Variants in SRSF4 observed in about 807,000 individuals in gnomAD.
SRSF4 encodes serine/arginine-rich splicing factor 4.
SRSF4 carries 12 observed loss-of-function variants against 48.8 expected under a neutral mutation model. The observed-to-expected ratio is 0.25, with a 90% confidence interval of 0.16 to 0.40. The LOEUF is 0.40. SRSF4 is among the 10% of genes least tolerant of loss of function. The pLI, the probability that SRSF4 is intolerant of heterozygous loss-of-function variation, is 1.00. For missense variants in SRSF4, 466 were observed against 667.1 expected (o/e 0.70, Z 3.32); for synonymous variants, 248 against 232.5 (o/e 1.07, Z -0.61).
intron 1 of SRSF4, among the ~76,000 whole-genome samples, chr1:29,163,183 C>A (rs570220211): frequency 6.6e-6 from 1 of 152,318 alleles, no homozygotes; most frequent in African/African-American, 2.4e-5. Context: ...AAAATCCCTA[C>A]AAACCTCCCC....
chr1:29,173,116 AT>A (rs1375341556), intron 1 of SRSF4: 17 of 149,938 alleles, frequency 1.1e-4, no homozygotes, highest in Middle Eastern at 7.0e-3. Context: ...TTATTCTCTA[AT>A]GAGTCAAAAA....
At chr1:29,154,945 A>G in intron 3 of SRSF4, 35 bp from the exon 4 acceptor site, 2 of 1,572,704 alleles carry the variant, frequency 1.3e-6, no homozygotes, top group Admixed American at 1.9e-5. Flanking sequence ...ACATTAGGAT[A>G]TGTTTTGCTA....
chr1:29,155,641 G>A (rs993477373), intron 3 of SRSF4, among the ~76,000 whole-genome samples: 4 of 152,014 alleles, frequency 2.6e-5, no homozygotes, highest in African/African-American at 4.8e-5. Flanking sequence ...GCAGGTCCGC[G>A]CCACCATACC....
intron 3 of SRSF4, among the ~76,000 whole-genome samples, chr1:29,155,633 A>G (rs1258683286): frequency 6.6e-6 from 1 of 152,078 alleles, no homozygotes; most frequent in Non-Finnish European, 1.5e-5. Context: ...CTGGAACTGC[A>G]GGTCCGCGCC....
In SRSF4 at chr1:29,158,275, T is replaced by C. The variant is rs187651556; in HGVS notation, c.363+1099A>G. Among the ~76,000 whole-genome samples the C allele has an allele frequency of 5.1e-3, 780 of 152,182 alleles. 6 individuals are homozygous for C. Among genetic ancestry groups the C allele is most frequent in the Middle Eastern group, 0.017 (5 of 294 alleles). ...CAGGACAAATATTCCATCAAAAACCTTATGAAAAAACATGGGTCAGATTGT... is the reference window on the plus strand; with the variant it reads ...CAGGACAAATATTCCATCAAAAACCCTATGAAAAAACATGGGTCAGATTGT... On this transcript the variant is annotated intron_variant, in intron 3 of 5. Transcript: ENST00000373795.
rs771783999 is a variant in SRSF4 at position 29,148,371 on chromosome 1, A to G, written c.*39T>C. 1 of 1,554,268 alleles carries G rather than the reference A, an allele frequency of 6.4e-7. No homozygotes were observed. Among genetic ancestry groups the G allele is most frequent in the Non-Finnish European group, 8.7e-7 (1 of 1,149,916 alleles). On this transcript the variant is annotated 3_prime_UTR_variant, in exon 6 of 6. Transcript: ENST00000373795. Reference sequence around the variant, plus strand: ...GTGCTACGGCTACCAAACATGTACAAAAGACTTCTCGGGTAGTTCCAGCTG... The same window carrying G: ...GTGCTACGGCTACCAAACATGTACAGAAGACTTCTCGGGTAGTTCCAGCTG...
Position 29,181,831 on chromosome 1 carries a change from G to A in SRSF4, c.-79C>T, listed in dbSNP as rs949715741. The A allele has an allele frequency of 1.7e-6, 2 of 1,177,256 alleles. No homozygotes were observed. Among genetic ancestry groups the A allele is most frequent in the Non-Finnish European group, 2.2e-6 (2 of 904,318 alleles). 72.9% of individuals were successfully genotyped at this position (1,177,256 alleles called of 1,614,324 possible). ...CGGGCAAAGCGAGAGCACGGCGGCA[G>A]CGGCGGCGGCGGCAACGGGCGGGCG... On this transcript the variant is annotated 5_prime_UTR_variant, in exon 1 of 6. Transcript: ENST00000373795.
rs750399652 is a variant in SRSF4 at position 29,154,687 on chromosome 1, C to CA, written c.578+8dup. The CA allele has an allele frequency of 1.9e-6, 3 of 1,613,802 alleles. No homozygotes were observed. Among genetic ancestry groups the CA allele is most frequent in the Middle Eastern group, 3.3e-4 (2 of 6,084 alleles). On this transcript the variant is annotated intron_variant, in intron 4 of 5. Coordinates refer to ENST00000373795, the MANE Select transcript of SRSF4 (RefSeq NM_005626.5). Reference sequence around the variant, plus strand: ...ATGAGCTCCAACACACAAAAGACATCAACAGTACCTTGAATGACTCCGGCT... The same window carrying CA: ...ATGAGCTCCAACACACAAAAGACATCAAACAGTACCTTGAATGACTCCGGCT...
chr1:29,177,456 T>G (rs925027933), intron 1 of SRSF4, among the ~76,000 whole-genome samples: 1 of 152,122 alleles, frequency 6.6e-6, no homozygotes. Context: ...TAACTTTGTA[T>G]TTTTAGTAGA....
rs1002113163 is a variant in SRSF4 at position 29,150,126 on chromosome 1, A to G, written c.645T>C (p.His215=). The G allele has an allele frequency of 1.9e-6, 3 of 1,614,002 alleles. No homozygotes were observed. The highest frequency in any genetic ancestry group is 1.1e-5 in the South Asian group (1 of 91,070). ...RSRSGSSKSS[H]SKSRSRSRSG... is the part of the protein sequence containing the mutation. ...ACCTGGACCGAGATCTACTCTTAGA[A>G]TGACTGCTTTTGCTGCTGCCACTTC... Residue 215 remains histidine, a synonymous_variant, in exon 5 of 6, where the codon CAT becomes CAC. Coordinates refer to ENST00000373795, the MANE Select transcript of SRSF4 (RefSeq NM_005626.5).
intron 4 of SRSF4, among the ~76,000 whole-genome samples, chr1:29,152,195 T>C (rs967571382): frequency 6.6e-6 from 1 of 152,232 alleles, no homozygotes; most frequent in Non-Finnish European, 1.5e-5. Flanking sequence ...TTGCTAGCTA[T>C]GTTATCATGG....
chr1:29,158,164 A>G (rs1202908494), intron 3 of SRSF4, among the ~76,000 whole-genome samples: 2 of 151,396 alleles, frequency 1.3e-5, no homozygotes, highest in East Asian at 3.9e-4. Flanking sequence ...GCGAGACTCC[A>G]TCTCAAAAAA....
Position 29,164,983 on chromosome 1 carries a change from T to G in SRSF4, c.108-4466A>C, listed in dbSNP as rs75805618. ...GCTCAAATTTGCTCATCAGAACATT[T>G]TGGATTTTGTTTAGGAATGCTCAAC... On this transcript the variant is annotated intron_variant, in intron 1 of 5. Transcript: ENST00000373795. Among the ~76,000 whole-genome samples, 12 of 152,354 alleles carry G rather than the reference T, an allele frequency of 7.9e-5. No individual in the cohort carries two copies. The East Asian group carries it at 2.3e-3, about 29-fold the overall frequency.
chr1:29,175,712 A>AG (rs1257828672), intron 1 of SRSF4, among the ~76,000 whole-genome samples: 51 of 134,784 alleles, frequency 3.8e-4, no homozygotes, highest in Middle Eastern at 4.1e-3. Context: ...AAAAAAAAAA[A>AG]AAAAAAAAAA....
chr1:29,158,501 C>T (rs1672535829), intron 3 of SRSF4, among the ~76,000 whole-genome samples: 1 of 150,430 alleles, frequency 6.6e-6, no homozygotes, highest in African/African-American at 2.4e-5. Flanking sequence ...ATGATTTTGG[C>T]TCACTACAAC....
Position 29,181,847 on chromosome 1 carries a change from CG to C in SRSF4, c.-96del. On this transcript the variant is annotated 5_prime_UTR_variant, in exon 1 of 6. Transcript: ENST00000373795. ...ACGGCGGCAGCGGCGGCGGCGGCAA[CG>C]GGCGGGCGGCGGGACGGACGCAGCC... The C allele has an allele frequency of 9.5e-7, 1 of 1,057,314 alleles. No homozygotes were observed. Among genetic ancestry groups the C allele is most frequent in the Non-Finnish European group, 1.2e-6 (1 of 801,114 alleles). The allele number at this position is 1,057,314 out of a possible 1,614,324, so 65.5% of individuals were successfully genotyped here. A position where few individuals can be genotyped will look rare whatever the true frequency, so the allele number is the denominator to read the frequency against.
chr1:29,152,734 C>T (rs1672432553), intron 4 of SRSF4, among the ~76,000 whole-genome samples: 1 of 152,044 alleles, frequency 6.6e-6, no homozygotes, highest in African/African-American at 2.4e-5. Flanking sequence ...GTCTGCCCAA[C>T]ATGGTGAAAC....
chr1:29,181,430 A>G (rs1340889262), intron 1 of SRSF4, among the ~76,000 whole-genome samples: 1 of 152,110 alleles, frequency 6.6e-6, no homozygotes, highest in Non-Finnish European at 1.5e-5. Context: ...TCAGGGCCTC[A>G]GCACAGCTCC....
chr1:29,163,940 T>C (rs1672634101), intron 1 of SRSF4, among the ~76,000 whole-genome samples: 1 of 152,184 alleles, frequency 6.6e-6, no homozygotes, highest in Admixed American at 6.5e-5. Context: ...ATTCATGAAA[T>C]GAGGGAAGTA....
Sources: gnomAD v4.1 joint callset for allele counts (sites outside exome capture counted in the v4.1 genomes callset) on GRCh38, gnomAD v4.1.1 for gene constraint, MANE v1.5 for transcripts, NCBI Gene and HGNC (gene_info 2026-07-23, HGNC 2026-07-21) for gene names.